STX5: variants seen among roughly 807,000 people sequenced by gnomAD.
STX5 encodes syntaxin 5, also known as syntaxin-5.
A neutral mutation model predicts 42.9 loss-of-function variants in STX5; 15 were observed. That is an observed-to-expected ratio of 0.35 (90% CI 0.23 to 0.54). The LOEUF (loss-of-function observed/expected upper bound fraction) is 0.54, where lower values mean the gene tolerates loss of function less well. STX5 is among the 20% of genes least tolerant of loss of function. The pLI is 0.91. For synonymous variants in STX5, 184 were observed against 173.2 expected (o/e 1.06, Z -0.49); for missense variants, 430 against 455.0 (o/e 0.95, Z 0.50).
At chr11:62,826,497 C>A (rs1044591498) in intron 5 of STX5, among the ~76,000 whole-genome samples, 1 of 151,958 alleles carries the variant, frequency 6.6e-6, no homozygotes, top group East Asian at 1.9e-4. Context: ...ACAGAGGTTG[C>A]AGTGAGCTGA....
At chr11:62,824,370 A>G (rs2084771210) in intron 9 of STX5, 83 bp from the exon 10 acceptor site, 1 of 1,612,524 alleles carries the variant, frequency 6.2e-7, no homozygotes, top group Non-Finnish European at 8.5e-7. Context: ...CCAGCTTGCC[A>G]TTCTGCCCAT....
chr11:62,817,900 G>A (rs2084693036), intron 10 of STX5, among the ~76,000 whole-genome samples: 1 of 152,038 alleles, frequency 6.6e-6, no homozygotes, highest in South Asian at 2.1e-4. Flanking sequence ...CAGATGGTAA[G>A]GACAGAAAGA....
chr11:62,825,380 C>T (rs767503418), intron 6 of STX5, 41 bp from the exon 7 acceptor site: 1 of 1,614,176 alleles, frequency 6.2e-7, no homozygotes, highest in South Asian at 1.1e-5. Context: ...GAAGGCTCCA[C>T]ATTCTTCCTC....
intron 1 of STX5, among the ~76,000 whole-genome samples, chr11:62,831,626 G>A (rs1389142879): frequency 1.3e-5 from 2 of 152,260 alleles, no homozygotes; most frequent in Admixed American, 6.5e-5. Context: ...CGGCCCCTCC[G>A]GGAGGGCCAG....
chr11:62,831,671 G>A (rs995537818), intron 1 of STX5, among the ~76,000 whole-genome samples: 1 of 152,102 alleles, frequency 6.6e-6, no homozygotes, highest in East Asian at 1.9e-4. Context: ...ACTTCGGTGG[G>A]CGGAGGGGGA....
intron 10 of STX5, among the ~76,000 whole-genome samples, chr11:62,808,664 T>C (rs1421826474): frequency 6.6e-6 from 1 of 152,172 alleles, no homozygotes; most frequent in Non-Finnish European, 1.5e-5. Context: ...TTATGGGACT[T>C]GCGGATGCAT....
intron 10 of STX5, among the ~76,000 whole-genome samples, chr11:62,818,994 T>C (rs1161303281): frequency 4.0e-5 from 6 of 151,412 alleles, no homozygotes; most frequent in South Asian, 2.1e-4. Flanking sequence ...CCGAGGCAGG[T>C]GGATCACGAG....
chr11:62,815,455 T>C (rs1452305029), intron 10 of STX5, among the ~76,000 whole-genome samples: 1 of 119,142 alleles, frequency 8.4e-6, no homozygotes, highest in Non-Finnish European at 2.0e-5. Flanking sequence ...TGAGACAGAG[T>C]ATCACTCTGT....
At chr11:62,815,415 CAG>C (rs2084662728) in intron 10 of STX5, among the ~76,000 whole-genome samples, 1 of 151,964 alleles carries the variant, frequency 6.6e-6, no homozygotes, top group Admixed American at 6.6e-5. Context: ...TTAATTTTCA[CAG>C]ACATAACTGG....
rs1343797841 is a variant in STX5 at position 62,806,980 on chromosome 11, G to A, written c.*489C>T. ...TGAGTCACCAGCAGCCAATGTCAGG[G>A]GTTGTGCAGGCAGCTGAAGGGCTCA... On this transcript the variant is annotated 3_prime_UTR_variant, in exon 11 of 11. Coordinates refer to ENST00000294179, the MANE Select transcript of STX5 (RefSeq NM_003164.5). The A allele has an allele frequency of 6.5e-6, 1 of 153,936 alleles. No individual in the cohort carries two copies. The highest frequency in any genetic ancestry group is 1.9e-4 in the East Asian group (1 of 5,226). The allele number at this position is 153,936 out of a possible 1,614,324, so 9.5% of individuals were successfully genotyped here.
At position 62,807,389 on chromosome 11, in the gene STX5, C is replaced by G. The variant is rs753635689; in HGVS notation, c.*80G>C. ...GGGCCTTTCTCCCAAGTACCCTGCA[C>G]AGGCTCAGTGGCAGCACTGGCCACT... On this transcript the variant is annotated 3_prime_UTR_variant, in exon 11 of 11. Coordinates refer to ENST00000294179, the MANE Select transcript of STX5 (RefSeq NM_003164.5). 41 of 1,552,654 alleles carry G rather than the reference C, an allele frequency of 2.6e-5. No individual in the cohort carries two copies. Among genetic ancestry groups the G allele is most frequent in the Non-Finnish European group, 3.5e-5 (40 of 1,147,736 alleles).
intron 2 of STX5, 93 bp from the exon 3 acceptor site, chr11:62,827,724 G>A (rs966316995): frequency 5.5e-6 from 7 of 1,281,156 alleles, no homozygotes; most frequent in African/African-American, 4.4e-5. Context: ...CCTATCTCTA[G>A]TGCTGGTGGC....
intron 2 of STX5, among the ~76,000 whole-genome samples, chr11:62,829,494 T>C (rs2084832581): frequency 6.6e-6 from 1 of 152,116 alleles, no homozygotes; most frequent in Non-Finnish European, 1.5e-5. Flanking sequence ...CTGAGTGCAG[T>C]GGCTGACACC....
intron 3 of STX5, 44 bp from the exon 4 acceptor site, chr11:62,827,442 CT>C: frequency 1.2e-6 from 2 of 1,613,750 alleles, no homozygotes; most frequent in Non-Finnish European, 1.7e-6. Context: ...GGCAGGACGC[CT>C]TTTCCCACAT....
chr11:62,824,111 C>T (rs1818070568), intron 10 of STX5, 55 bp downstream of exon 10: 23 of 1,612,042 alleles, frequency 1.4e-5, no homozygotes, highest in Non-Finnish European at 2.0e-5. Context: ...CTTTAAGATG[C>T]CAATCCACGG....
At chr11:62,820,023 C>G (rs1196723685) in intron 10 of STX5, among the ~76,000 whole-genome samples, 1 of 151,306 alleles carries the variant, frequency 6.6e-6, no homozygotes, top group Non-Finnish European at 1.5e-5. Context: ...AGTTGTTGAA[C>G]AGGAATATGG....
rs1346059090 is a variant in STX5 at position 62,807,426 on chromosome 11, G to C, written c.*43C>G. The C allele has an allele frequency of 6.2e-7, 1 of 1,601,056 alleles. No homozygotes were observed. The highest frequency in any genetic ancestry group is 1.1e-5 in the South Asian group (1 of 89,844). On this transcript the variant is annotated 3_prime_UTR_variant, in exon 11 of 11. Coordinates refer to ENST00000294179, the MANE Select transcript of STX5 (RefSeq NM_003164.5). The stretch of plus-strand genomic sequence containing the variant: ...CAGCACTGGCCACTTGCCTTCCCAG[G>C]AGGGTCCCAAACCCCAACAGAGTGC...
chr11:62,831,132 TGTC>T lies in STX5; in HGVS notation c.109_111del (p.Asp37del). 1 of 1,555,734 alleles carries T rather than the reference TGTC, an allele frequency of 6.4e-7. No homozygotes were observed. The highest frequency in any genetic ancestry group is 8.7e-7 in the Non-Finnish European group (1 of 1,149,586). On this transcript the variant is annotated inframe_deletion, in exon 2 of 11. Transcript: ENST00000294179. ...GTCACTGGGGGGGGCAGAGGGGCGA[TGTC>T]GCTGCTGCTACTGCCAGCAGTTGCA...
chr11:62,819,333 ATTG>A (rs1050408573), intron 10 of STX5, among the ~76,000 whole-genome samples: 6 of 150,464 alleles, frequency 4.0e-5, no homozygotes, highest in African/African-American at 1.5e-4. Flanking sequence ...ACTGAAAGAA[ATTG>A]TTGTCAGCAG....
Sources: gnomAD v4.1 joint callset for allele counts (sites outside exome capture counted in the v4.1 genomes callset) on GRCh38, gnomAD v4.1.1 for gene constraint, MANE v1.5 for transcripts, NCBI Gene and HGNC (gene_info 2026-07-23, HGNC 2026-07-21) for gene names.